CNTNAP2: variants seen among roughly 807,000 people sequenced by gnomAD.
The protein encoded by CNTNAP2 is contactin associated protein 2.
Under a neutral mutation model 155.2 loss-of-function variants are expected in CNTNAP2, and 98 were observed. The ratio of observed to expected loss-of-function variants is 0.63; its 90% CI spans 0.54 to 0.75. The LOEUF (loss-of-function observed/expected upper bound fraction) is 0.75. CNTNAP2 is among the 30% of genes least tolerant of loss of function. The probability of loss-of-function intolerance (pLI) is 0.00; values close to 1 mark genes in which losing one functional copy is unlikely to be tolerated. For missense variants in CNTNAP2, 1,727 were observed against 1,688.1 expected (o/e 1.02, Z -0.40); for synonymous variants, 651 against 631.2 (o/e 1.03, Z -0.47).
At chr7:146,515,020 T>A (rs936961994) in intron 1 of CNTNAP2, among the ~76,000 whole-genome samples, 3 of 152,016 alleles carry the variant, frequency 2.0e-5, no homozygotes, top group African/African-American at 7.2e-5. Context: ...AAATGGAATA[T>A]CCCAGCTATG....
At chr7:148,045,424 CG>C (rs1802758597) in intron 15 of CNTNAP2, among the ~76,000 whole-genome samples, 1 of 151,718 alleles carries the variant, frequency 6.6e-6, no homozygotes, top group Non-Finnish European at 1.5e-5. Context: ...GTCCATGCAG[CG>C]GGAGGGGTCT....
chr7:146,838,280 C>CA (rs1206961277), intron 2 of CNTNAP2, among the ~76,000 whole-genome samples: 6 of 152,214 alleles, frequency 3.9e-5, no homozygotes, highest in South Asian at 4.1e-4. Context: ...CTGCACTGCC[C>CA]ATTGTCCAGT....
At chr7:147,125,316 A>T (rs866279411) in intron 6 of CNTNAP2, among the ~76,000 whole-genome samples, 5 of 152,126 alleles carry the variant, frequency 3.3e-5, no homozygotes, top group East Asian at 1.9e-4. Context: ...CTCCCGGCAT[A>T]TATGGACATT....
At chr7:147,536,528 C>G (rs761809500) in intron 11 of CNTNAP2, among the ~76,000 whole-genome samples, 1 of 152,258 alleles carries the variant, frequency 6.6e-6, no homozygotes, top group East Asian at 1.9e-4. Flanking sequence ...CTGCCTTGTG[C>G]CCACTGGGAC....
At chr7:147,815,589 A>G (rs1337138633) in intron 13 of CNTNAP2, among the ~76,000 whole-genome samples, 4 of 152,156 alleles carry the variant, frequency 2.6e-5, no homozygotes, top group African/African-American at 9.7e-5. Flanking sequence ...ATATGATTCA[A>G]TATGTCCCAC....
At chr7:146,996,288 C>A (rs1196652506) in intron 3 of CNTNAP2, among the ~76,000 whole-genome samples, 1 of 151,896 alleles carries the variant, frequency 6.6e-6, no homozygotes, top group African/African-American at 2.4e-5. Flanking sequence ...GATCGAATTG[C>A]ATTGTAGATG....
chr7:148,243,549 C>T (rs879102462), intron 20 of CNTNAP2, among the ~76,000 whole-genome samples: 1 of 152,088 alleles, frequency 6.6e-6, no homozygotes, highest in South Asian at 2.1e-4. Context: ...TCACATCTTA[C>T]GTGGATGGAG....
chr7:146,784,570 T>C (rs1471645699), intron 2 of CNTNAP2, among the ~76,000 whole-genome samples: 4 of 152,186 alleles, frequency 2.6e-5, no homozygotes, highest in Middle Eastern at 3.2e-3. Context: ...CTTTGTAAGA[T>C]TGTTGATATG....
intron 1 of CNTNAP2, among the ~76,000 whole-genome samples, chr7:146,530,188 T>C (rs1797748652): frequency 6.6e-6 from 1 of 152,122 alleles, no homozygotes; most frequent in African/African-American, 2.4e-5. Flanking sequence ...TGCAGAAAAT[T>C]GAAACTAGAC....
chr7:146,821,421 T>C (rs1357603173), intron 2 of CNTNAP2, among the ~76,000 whole-genome samples: 2 of 152,260 alleles, frequency 1.3e-5, no homozygotes, highest in South Asian at 4.1e-4. Flanking sequence ...CCTTCACTTA[T>C]GAAGCTTAGT....
chr7:147,281,033 A>G (rs1193557199), intron 8 of CNTNAP2, among the ~76,000 whole-genome samples: 1 of 151,872 alleles, frequency 6.6e-6, no homozygotes, highest in African/African-American at 2.4e-5. Flanking sequence ...AGTCTCTTAA[A>G]TTTTTTGAAT....
At chr7:147,730,928 A>G (rs78762518) in intron 13 of CNTNAP2, among the ~76,000 whole-genome samples, 29,252 of 152,092 alleles carry the variant, frequency 0.19, 3,234 homozygotes, top group Middle Eastern at 0.38. Flanking sequence ...TGGTCTGCAT[A>G]GAACCAACCA....
intron 1 of CNTNAP2, among the ~76,000 whole-genome samples, chr7:146,344,741 G>A (rs1794794405): frequency 6.6e-6 from 1 of 152,188 alleles, no homozygotes; most frequent in Non-Finnish European, 1.5e-5. Flanking sequence ...GCCTCCCAAA[G>A]TGCTGGATTG....
At chr7:148,298,825 A>G (rs144870414) in intron 21 of CNTNAP2, among the ~76,000 whole-genome samples, 7,458 of 151,902 alleles carry the variant, frequency 0.049, 258 homozygotes, top group African/African-American at 0.095. Flanking sequence ...CAGCCTCCCA[A>G]GTAACTGGGA....
chr7:148,027,857 T>C (rs1802401259), intron 15 of CNTNAP2, among the ~76,000 whole-genome samples: 3 of 152,182 alleles, frequency 2.0e-5, no homozygotes, highest in Admixed American at 1.3e-4. Flanking sequence ...AACACTCAAC[T>C]TGGGCCTCTC....
At chr7:146,834,437 T>C (rs1191160463) in intron 2 of CNTNAP2, among the ~76,000 whole-genome samples, 1 of 150,924 alleles carries the variant, frequency 6.6e-6, no homozygotes, top group African/African-American at 2.4e-5. Context: ...CACACGCAAA[T>C]ACACAGGGGG....
At chr7:147,566,291 A>G (rs1489290742) in intron 12 of CNTNAP2, among the ~76,000 whole-genome samples, 1 of 132,462 alleles carries the variant, frequency 7.5e-6, no homozygotes, top group Non-Finnish European at 1.6e-5. Context: ...AACCCTGCCA[A>G]GAAGAAGAAG....
chr7:148,053,971 C>CTT (rs531701824), intron 15 of CNTNAP2, among the ~76,000 whole-genome samples: 58 of 127,172 alleles, frequency 4.6e-4, no homozygotes, highest in South Asian at 1.0e-3. Flanking sequence ...AATTCCACTT[C>CTT]TTTTTTTTTT....
chr7:148,232,102 G>T lies in CNTNAP2; in HGVS notation c.3381+2323G>T, dbSNP rs189777641. 4.6e-5 allele frequency among the ~76,000 whole-genome samples: 7 copies of T among 152,234 alleles called. No individual in the cohort carries two copies. In the South Asian group the frequency reaches 1.5e-3, roughly 32 times the overall value. ...TGAGGGCAACTAGGAAAGATGTCACGGCCTGGGGAGCTCCAATCTCTCAGC... is the reference window on the plus strand; with the variant it reads ...TGAGGGCAACTAGGAAAGATGTCACTGCCTGGGGAGCTCCAATCTCTCAGC... On this transcript the variant is annotated intron_variant, in intron 20 of 23. Transcript: ENST00000361727.
Sources: allele counts gnomAD v4.1 joint callset (sites outside exome capture counted in the v4.1 genomes callset), GRCh38; gene constraint gnomAD v4.1.1; transcripts MANE v1.5; gene names NCBI Gene and HGNC (gene_info 2026-07-23, HGNC 2026-07-21).